The following EFR3A variants were observed in gnomAD, a reference collection of about 807,000 sequenced individuals.
EFR3A encodes the protein EFR3 homolog A.
A neutral mutation model predicts 104.4 loss-of-function variants in EFR3A; 76 were observed. The observed-to-expected ratio is 0.73, with a 90% CI of 0.60 to 0.88. The LOEUF is 0.88. EFR3A is among the 40% of genes least tolerant of loss of function. The pLI is 0.00. For synonymous variants in EFR3A, 330 were observed against 330.0 expected (o/e 1.00, Z 0.00); for missense variants, 985 against 1,012.5 (o/e 0.97, Z 0.37).
chr8:131,963,409 A>G (rs951205554), intron 8 of EFR3A, among the ~76,000 whole-genome samples: 1 of 152,194 alleles, frequency 6.6e-6, no homozygotes, highest in African/African-American at 2.4e-5. Context: ...ATCCCACAGA[A>G]ATACAAACTA....
At chr8:131,962,538 A>G (rs1423151135) in intron 8 of EFR3A, among the ~76,000 whole-genome samples, 1 of 152,234 alleles carries the variant, frequency 6.6e-6, no homozygotes, top group Non-Finnish European at 1.5e-5. Flanking sequence ...CACCCAATAC[A>G]GGAGCACCCA....
chr8:131,905,097 C>A (rs1307321552), intron 1 of EFR3A, among the ~76,000 whole-genome samples: 2 of 152,182 alleles, frequency 1.3e-5, no homozygotes, highest in Non-Finnish European at 2.9e-5. Flanking sequence ...CCCAGATAAT[C>A]GCAGTGTGAC....
intron 1 of EFR3A, among the ~76,000 whole-genome samples, chr8:131,906,397 G>C (rs949313084): frequency 1.3e-5 from 2 of 152,204 alleles, no homozygotes; most frequent in African/African-American, 4.8e-5. Context: ...TTAGTGATAA[G>C]CCCAAGCCAG....
intron 1 of EFR3A, among the ~76,000 whole-genome samples, chr8:131,915,545 G>A (rs1816705401): frequency 6.6e-6 from 1 of 152,088 alleles, no homozygotes; most frequent in Non-Finnish European, 1.5e-5. Context: ...TTTATAGAAG[G>A]GTATAAATTG....
intron 16 of EFR3A, among the ~76,000 whole-genome samples, chr8:131,985,623 G>A (rs75533816): frequency 0.036 from 5,468 of 152,244 alleles, 190 homozygotes; most frequent in African/African-American, 0.093. Flanking sequence ...TAAATTGGAA[G>A]CACATCATTT....
At chr8:131,918,349 G>C (rs1229528003) in intron 1 of EFR3A, among the ~76,000 whole-genome samples, 1 of 152,166 alleles carries the variant, frequency 6.6e-6, no homozygotes, top group Admixed American at 6.5e-5. Flanking sequence ...TTTTGACTTT[G>C]TGTTACTATA....
At chr8:131,911,554 C>G (rs992720062) in intron 1 of EFR3A, among the ~76,000 whole-genome samples, 2 of 152,108 alleles carry the variant, frequency 1.3e-5, no homozygotes, top group East Asian at 3.9e-4. Context: ...GGTAAAGTTC[C>G]CCTTTGCCCT....
chr8:131,973,667 C>G (rs766590103), intron 10 of EFR3A, among the ~76,000 whole-genome samples: 1 of 152,044 alleles, frequency 6.6e-6, no homozygotes, highest in Non-Finnish European at 1.5e-5. Context: ...TTATTCCTGT[C>G]GGTGGGCCAT....
chr8:131,964,870 A>G (rs1819609487), intron 8 of EFR3A, among the ~76,000 whole-genome samples: 1 of 149,976 alleles, frequency 6.7e-6, no homozygotes, highest in Admixed American at 6.7e-5. Context: ...AAACAGAGAT[A>G]TAGACCAATG....
intron 22 of EFR3A, among the ~76,000 whole-genome samples, chr8:132,004,134 A>C (rs1462316586): frequency 6.6e-6 from 1 of 151,962 alleles, no homozygotes; most frequent in African/African-American, 2.4e-5. Flanking sequence ...TATATATCTT[A>C]CTCTAGACAT....
At chr8:131,974,989 ATAG>A (rs1820249046) in intron 10 of EFR3A, among the ~76,000 whole-genome samples, 1 of 152,236 alleles carries the variant, frequency 6.6e-6, no homozygotes, top group African/African-American at 2.4e-5. Flanking sequence ...CCATGATTTG[ATAG>A]TCTGTTCCAA....
chr8:131,970,401 G>A (rs1819982269), intron 9 of EFR3A, 75 bp from the exon 10 acceptor site: 1 of 1,333,082 alleles, frequency 7.5e-7, no homozygotes, highest in African/African-American at 1.5e-5. Context: ...AACAATCTGT[G>A]GAGAAATAAG....
intron 1 of EFR3A, among the ~76,000 whole-genome samples, chr8:131,922,323 G>A (rs1433142612): frequency 2.0e-5 from 3 of 152,026 alleles, no homozygotes; most frequent in Non-Finnish European, 2.9e-5. Flanking sequence ...TTCCTAACCC[G>A]AAAATCTAAA....
chr8:131,965,391 G>A (rs995483780), intron 8 of EFR3A, among the ~76,000 whole-genome samples: 2 of 151,930 alleles, frequency 1.3e-5, no homozygotes, highest in African/African-American at 4.8e-5. Context: ...ACATCAACAA[G>A]TGGGTGAAGG....
chr8:132,001,326 A>G lies in EFR3A; in HGVS notation c.2158-433A>G, dbSNP rs551969359. On this transcript the variant is annotated intron_variant, in intron 19 of 22. Coordinates refer to ENST00000254624, the MANE Select transcript of EFR3A (RefSeq NM_015137.6). ...TGGTACCAAAATCATAGAGGCTGTA[A>G]AGTACTTAGTTGTTTTTTATCACAT... 1.8e-3 allele frequency among the ~76,000 whole-genome samples: 279 copies of G among 152,286 alleles called. 2 individuals are homozygous for G. The highest frequency in any genetic ancestry group is 6.5e-3 in the African/African-American group (271 of 41,552).
intron 1 of EFR3A, among the ~76,000 whole-genome samples, chr8:131,936,481 G>GC (rs1212671593): frequency 2.0e-5 from 3 of 151,424 alleles, no homozygotes; most frequent in South Asian, 2.1e-4. Flanking sequence ...GCCTCCCTCC[G>GC]CCCCCCTCCC....
chr8:131,998,156 G>A (rs1310728562), intron 19 of EFR3A, among the ~76,000 whole-genome samples: 1 of 151,994 alleles, frequency 6.6e-6, no homozygotes, highest in East Asian at 1.9e-4. Context: ...TATTAGAGAT[G>A]TTTGTTCAAA....
At chr8:132,001,829 A>G in intron 20 of EFR3A, 22 bp downstream of exon 20, 1 of 1,596,084 alleles carries the variant, frequency 6.3e-7, no homozygotes, top group Non-Finnish European at 8.6e-7. Flanking sequence ...TGCACTTGTT[A>G]GTACTACCAA....
chr8:132,007,550 A>T (rs1416007141), intron 22 of EFR3A, among the ~76,000 whole-genome samples: 1 of 151,980 alleles, frequency 6.6e-6, no homozygotes, highest in East Asian at 1.9e-4. Context: ...TTTCAAGTTG[A>T]TCTGTAGCTT....
Sources: gnomAD v4.1 joint callset for allele counts (sites outside exome capture counted in the v4.1 genomes callset) on GRCh38, gnomAD v4.1.1 for gene constraint, MANE v1.5 for transcripts, NCBI Gene and HGNC (gene_info 2026-07-23, HGNC 2026-07-21) for gene names.